HCRTR2: variants seen among roughly 807,000 people sequenced by gnomAD.
The protein encoded by HCRTR2 is orexin receptor type 2.
HCRTR2 carries 22 observed loss-of-function variants against 49.0 expected under a neutral mutation model. The ratio of observed to expected loss-of-function variants is 0.45; its 90% CI spans 0.32 to 0.64. The LOEUF is 0.64. Ranked by LOEUF, HCRTR2 falls within the 30% of genes least tolerant of loss-of-function variation. HCRTR2 has a pLI of 0.04. For synonymous variants in HCRTR2, 236 were observed against 205.3 expected, an observed-to-expected ratio of 1.15 and a Z score of -1.28; for missense variants, 491 against 559.4, an observed-to-expected ratio of 0.88 and a Z score of 1.23.
intron 1 of HCRTR2, among the ~76,000 whole-genome samples, chr6:55,242,227 A>G (rs941564074): frequency 9.9e-5 from 15 of 152,228 alleles, no homozygotes; most frequent in African/African-American, 3.6e-4. Flanking sequence ...CAACAACTTA[A>G]TCAGTTTTAA....
intron 1 of HCRTR2, among the ~76,000 whole-genome samples, chr6:55,229,954 C>T (rs577212167): frequency 1.2e-4 from 19 of 152,136 alleles, no homozygotes; most frequent in African/African-American, 3.9e-4. Context: ...TTACACACAC[C>T]GCTTCACAGG....
intron 1 of HCRTR2, among the ~76,000 whole-genome samples, chr6:55,238,309 T>C (rs990981705): frequency 1.3e-5 from 2 of 152,212 alleles, no homozygotes; most frequent in African/African-American, 4.8e-5. Context: ...GTTATTATTT[T>C]TGGCATTCAC....
chr6:55,250,620 G>T (rs1407554773), intron 2 of HCRTR2, among the ~76,000 whole-genome samples: 2 of 152,152 alleles, frequency 1.3e-5, no homozygotes, highest in Non-Finnish European at 2.9e-5. Context: ...TGCAGAGCAG[G>T]CATCTCAGAG....
At chr6:55,111,059 A>G (rs1764042247) in intron 1 of HCRTR2, among the ~76,000 whole-genome samples, 1 of 152,116 alleles carries the variant, frequency 6.6e-6, no homozygotes, top group South Asian at 2.1e-4. Flanking sequence ...CTGAAAATCA[A>G]CTTCAAAAGG....
intron 1 of HCRTR2, among the ~76,000 whole-genome samples, chr6:55,220,034 G>A (rs1765862676): frequency 6.6e-6 from 1 of 151,896 alleles, no homozygotes; most frequent in Non-Finnish European, 1.5e-5. Flanking sequence ...AACTAGTAAG[G>A]AGATTAAATC....
chr6:55,134,916 T>C (rs967209842), intron 1 of HCRTR2, among the ~76,000 whole-genome samples: 1 of 152,056 alleles, frequency 6.6e-6, no homozygotes, highest in Non-Finnish European at 1.5e-5. Context: ...GTTATTTCCA[T>C]ACTTTGGCAA....
At chr6:55,124,910 A>C (rs897168777) in intron 1 of HCRTR2, among the ~76,000 whole-genome samples, 4 of 147,630 alleles carry the variant, frequency 2.7e-5, no homozygotes, top group Non-Finnish European at 5.9e-5. Flanking sequence ...CTGTTTTACC[A>C]GAGATTAGGA....
At chr6:55,186,795 G>A (rs1765223150) in intron 1 of HCRTR2, among the ~76,000 whole-genome samples, 1 of 152,146 alleles carries the variant, frequency 6.6e-6, no homozygotes, top group African/African-American at 2.4e-5. Context: ...AAAAGGGACA[G>A]ACATATCCTC....
At chr6:55,218,737 A>T (rs960521978) in intron 1 of HCRTR2, among the ~76,000 whole-genome samples, 50 of 152,254 alleles carry the variant, frequency 3.3e-4, no homozygotes, top group African/African-American at 1.2e-3. Context: ...TATGTATTCA[A>T]TCTTAGGGCT....
chr6:55,254,802 T>A (rs1562023431), intron 2 of HCRTR2, among the ~76,000 whole-genome samples: 1 of 151,284 alleles, frequency 6.6e-6, no homozygotes, highest in Non-Finnish European at 1.5e-5. Flanking sequence ...TTTCTTCCAA[T>A]CAATGGAAAA....
Position 55,243,768 on chromosome 6 carries a change from G to A in HCRTR2, c.224-4871G>A, listed in dbSNP as rs140382391. ...ATAATGATAAAGAGCCTTTGTGCCC[G>A]TAGAGAGATAAGAAAAAATACAAAA... is the stretch of plus-strand genomic sequence containing the variant. On this transcript the variant is annotated intron_variant, in intron 1 of 6. Coordinates refer to ENST00000370862, the MANE Select transcript of HCRTR2 (RefSeq NM_001384272.1). 3.4e-4 allele frequency among the ~76,000 whole-genome samples: 52 copies of A among 152,050 alleles called. No individual in the cohort carries two copies. The East Asian group carries it at 7.0e-3, about 20-fold the overall frequency.
chr6:55,182,896 G>T (rs1581813445), intron 1 of HCRTR2, among the ~76,000 whole-genome samples: 2 of 152,278 alleles, frequency 1.3e-5, no homozygotes, highest in South Asian at 4.1e-4. Flanking sequence ...CTCTGTCACA[G>T]AATCTATATA....
At chr6:55,212,060 A>G (rs538476375) in intron 1 of HCRTR2, among the ~76,000 whole-genome samples, 2 of 152,208 alleles carry the variant, frequency 1.3e-5, no homozygotes, top group Non-Finnish European at 2.9e-5. Flanking sequence ...ACACACACAT[A>G]CATACAAAGA....
rs375802018 is a variant in HCRTR2, at chr6:55,265,301, T to C, written c.762+1479T>C. On this transcript the variant is annotated intron_variant, in intron 4 of 6. Coordinates refer to ENST00000370862, the MANE Select transcript of HCRTR2 (RefSeq NM_001384272.1). ...CTGCAGCATCCTGCTTCCTAGTACC[T>C]ATTATTGTATCTGTCAGGTTTTGCT... 4.6e-5 allele frequency among the ~76,000 whole-genome samples: 7 copies of C among 152,190 alleles called. No individual in the cohort carries two copies. In the East Asian group the frequency reaches 5.8e-4, roughly 13 times the overall value.
intron 1 of HCRTR2, among the ~76,000 whole-genome samples, chr6:55,189,472 C>A (rs188353158): frequency 2.0e-5 from 3 of 152,138 alleles, no homozygotes; most frequent in Admixed American, 6.5e-5. Context: ...CAGAAAAGAA[C>A]CTGCTGATTA....
At chr6:55,219,911 G>C (rs1003631800) in intron 1 of HCRTR2, among the ~76,000 whole-genome samples, 2 of 151,978 alleles carry the variant, frequency 1.3e-5, no homozygotes, top group African/African-American at 2.4e-5. Context: ...AGGCTATTCT[G>C]TATAATTATA....
chr6:55,137,122 A>T lies in HCRTR2; in HGVS notation c.-378+30577A>T, dbSNP rs142089064. Among the ~76,000 whole-genome samples, 155 of 152,344 alleles carry T rather than the reference A, an allele frequency of 1.0e-3. 2 individuals are homozygous for T. In the South Asian group the frequency reaches 0.02, roughly 19 times the overall value. ...GATGACCTTGGATGACTAATAATCA[A>T]AGGTATGCAAATGAGCATTAAAAAC... is the stretch of plus-strand genomic sequence containing the variant. On this transcript the variant is annotated intron_variant, in intron 1 of 7. Coordinates refer to the HCRTR2 transcript ENST00000615358.
At chr6:55,267,539 G>A (rs1001022054) in intron 4 of HCRTR2, among the ~76,000 whole-genome samples, 1 of 151,474 alleles carries the variant, frequency 6.6e-6, no homozygotes, top group Non-Finnish European at 1.5e-5. Context: ...TTCTAGTTCA[G>A]ACCCTTCATA....
At chr6:55,106,856 T>G (rs1304786147) in intron 1 of HCRTR2, among the ~76,000 whole-genome samples, 1 of 152,152 alleles carries the variant, frequency 6.6e-6, no homozygotes, top group East Asian at 1.9e-4. Flanking sequence ...ATGCCCCTTT[T>G]GCTCATATCA....
Sources: gnomAD v4.1 joint callset for allele counts (sites outside exome capture counted in the v4.1 genomes callset) on GRCh38, gnomAD v4.1.1 for gene constraint, MANE v1.5 for transcripts, NCBI Gene and HGNC (gene_info 2026-07-23, HGNC 2026-07-21) for gene names.